The following SLC7A2 variants were observed in gnomAD, a reference collection of about 807,000 sequenced individuals.
SLC7A2 encodes the protein cationic amino acid transporter 2.
A neutral mutation model predicts 58.9 loss-of-function variants in SLC7A2; 48 were observed. The ratio of observed to expected loss-of-function variants is 0.82; its 90% CI spans 0.65 to 1.04. The LOEUF (loss-of-function observed/expected upper bound fraction) is 1.04. Among genes scored for constraint, SLC7A2 ranks in the 50% least tolerant of loss-of-function variants. The probability of loss-of-function intolerance (pLI) is 0.00; values close to 1 mark genes in which losing one functional copy is unlikely to be tolerated. For missense variants in SLC7A2, 1,029 were observed against 818.8 expected, an observed-to-expected ratio of 1.26 and a Z score of -3.13; for synonymous variants, 363 against 314.5, an observed-to-expected ratio of 1.15 and a Z score of -1.63.
At chr8:17,563,544 A>G in intron 11 of SLC7A2, 59 bp from the exon 12 acceptor site, 2 of 1,035,116 alleles carry the variant, frequency 1.9e-6, no homozygotes, top group Non-Finnish European at 3.0e-6. Context: ...CTGTTGAAAT[A>G]ACTTGGGGAA....
intron 2 of SLC7A2, among the ~76,000 whole-genome samples, chr8:17,521,362 G>A (rs961422570): frequency 1.1e-4 from 17 of 152,348 alleles, no homozygotes; most frequent in African/African-American, 3.8e-4. Flanking sequence ...AGGACAGAGT[G>A]TAGGATTGTA....
In SLC7A2 at chr8:17,561,998, C is replaced by A; in HGVS notation, c.1559C>A (p.Thr520Asn). 1 of 1,614,112 alleles carries A rather than the reference C, an allele frequency of 6.2e-7. No individual in the cohort carries two copies. Among genetic ancestry groups the A allele is most frequent in the Non-Finnish European group, 8.5e-7 (1 of 1,180,004 alleles). ...ACCACTTACGGAGTTCATGCCATCACCAGGCTGGAGGCCTGGAGCCTCGCT... is the reference window on the plus strand; with the variant it reads ...ACCACTTACGGAGTTCATGCCATCAACAGGCTGGAGGCCTGGAGCCTCGCT... ...VLTTYGVHAI[T>N]RLEAWSLALL... Residue 520 changes from threonine to asparagine, a missense_variant, in exon 11 of 13, where the codon ACC (threonine) becomes AAC (asparagine). By Grantham distance (65) the Thr-to-Asn change is moderately conservative. Transcript: ENST00000494857.
At chr8:17,524,419 TGTAC>T (rs200387253) in intron 2 of SLC7A2, among the ~76,000 whole-genome samples, 4,459 of 138,862 alleles carry the variant, frequency 0.032, 110 homozygotes, top group East Asian at 0.11. Flanking sequence ...TGTGTGTGTG[TGTAC>T]ACACACACAC....
intron 10 of SLC7A2, among the ~76,000 whole-genome samples, chr8:17,561,158 A>T (rs1469132613): frequency 6.6e-6 from 1 of 152,178 alleles, no homozygotes; most frequent in Non-Finnish European, 1.5e-5. Flanking sequence ...AGGAGAAAAG[A>T]TGCAGATGAT....
intron 7 of SLC7A2, among the ~76,000 whole-genome samples, chr8:17,554,029 T>C (rs1802573852): frequency 6.6e-6 from 1 of 152,170 alleles, no homozygotes. Flanking sequence ...CTTATGATGC[T>C]GGGGATTATT....
chr8:17,543,228 A>G (rs1166016278), intron 2 of SLC7A2, 90 bp from the exon 3 acceptor site: 1 of 1,185,690 alleles, frequency 8.4e-7, no homozygotes, highest in African/African-American at 1.5e-5. Flanking sequence ...ACACACACAC[A>G]CACATACTCT....
In SLC7A2 at chr8:17,568,045, C is replaced by T. The variant is rs1238468740; in HGVS notation, c.*2899C>T. 6.6e-6 allele frequency: 1 copy of T among 151,758 alleles called. No individual in the cohort carries two copies. Among genetic ancestry groups the T allele is most frequent in the Non-Finnish European group, 1.5e-5 (1 of 67,956 alleles). The allele number at this position is 151,758 out of a possible 1,614,324, so 9.4% of individuals were successfully genotyped here. A position where few individuals can be genotyped will look rare whatever the true frequency, so the allele number is the denominator to read the frequency against. On this transcript the variant is annotated 3_prime_UTR_variant, in exon 13 of 13. Transcript: ENST00000494857. ...ATTTTTTTTTTCTTTCTCAGAATTA[C>T]CTAAATGTTTTGTAGAGTTTTGACT...
intron 2 of SLC7A2, among the ~76,000 whole-genome samples, chr8:17,518,937 A>G (rs1456411069): frequency 2.0e-5 from 3 of 152,110 alleles, no homozygotes; most frequent in African/African-American, 7.2e-5. Flanking sequence ...TGGCCTGCAG[A>G]CGGCAGCCTT....
chr8:17,561,937 C>G lies in SLC7A2; in HGVS notation c.1505-7C>G, dbSNP rs375807357. The G allele has an allele frequency of 6.2e-7, 1 of 1,613,894 alleles. No individual in the cohort carries two copies. The highest frequency in any genetic ancestry group is 2.2e-5 in the East Asian group (1 of 44,868). Reference sequence around the variant, plus strand: ...GCTGACTCTGTTATCTACACATCCCCCTGCAGCTTTCCTCGTGTTGGGCCT... The same window carrying G: ...GCTGACTCTGTTATCTACACATCCCGCTGCAGCTTTCCTCGTGTTGGGCCT... On this transcript the variant is annotated splice_polypyrimidine_tract_variant and splice_region_variant and intron_variant, in intron 10 of 12. Transcript: ENST00000494857.
chr8:17,535,203 C>T (rs1192892145), intron 2 of SLC7A2, among the ~76,000 whole-genome samples: 1 of 152,134 alleles, frequency 6.6e-6, no homozygotes, highest in Non-Finnish European at 1.5e-5. Context: ...CTGGCTTCCC[C>T]ATCCCTAAGC....
At chr8:17,541,556 A>G (rs368725273) in intron 2 of SLC7A2, among the ~76,000 whole-genome samples, 1 of 152,112 alleles carries the variant, frequency 6.6e-6, no homozygotes, top group Non-Finnish European at 1.5e-5. Flanking sequence ...GCTTTTCTTC[A>G]TATTCTTTGA....
chr8:17,524,564 C>T (rs1801150349), intron 2 of SLC7A2, among the ~76,000 whole-genome samples: 1 of 151,878 alleles, frequency 6.6e-6, no homozygotes, highest in African/African-American at 2.4e-5. Context: ...GGAATGGAAA[C>T]CCAAACATTG....
chr8:17,525,409 C>T (rs557348844), intron 2 of SLC7A2, among the ~76,000 whole-genome samples: 4 of 152,174 alleles, frequency 2.6e-5, no homozygotes, highest in South Asian at 4.2e-4. Flanking sequence ...AAGAAAGTGG[C>T]CAAAAATCAC....
At chr8:17,500,976 A>G (rs1800135129) in intron 1 of SLC7A2, among the ~76,000 whole-genome samples, 1 of 151,836 alleles carries the variant, frequency 6.6e-6, no homozygotes. Flanking sequence ...TATGGAAGCA[A>G]GCAGTATGCT....
chr8:17,534,087 C>G (rs995301665), intron 2 of SLC7A2, among the ~76,000 whole-genome samples: 1 of 152,184 alleles, frequency 6.6e-6, no homozygotes, highest in South Asian at 2.1e-4. Flanking sequence ...CTGCAAAGGA[C>G]ATGATCTTGT....
intron 4 of SLC7A2, among the ~76,000 whole-genome samples, chr8:17,548,290 G>A (rs892286449): frequency 7.2e-5 from 11 of 151,994 alleles, no homozygotes; most frequent in African/African-American, 2.2e-4. Flanking sequence ...GCAGTGAGCC[G>A]AGATCATACC....
chr8:17,530,772 A>G (rs1198899244), intron 2 of SLC7A2, among the ~76,000 whole-genome samples: 1 of 151,940 alleles, frequency 6.6e-6, no homozygotes, highest in African/African-American at 2.4e-5. Context: ...GGGTTTCGCC[A>G]TGTTGGTCAG....
intron 2 of SLC7A2, among the ~76,000 whole-genome samples, chr8:17,511,527 A>C (rs1037374427): frequency 1.3e-5 from 2 of 152,196 alleles, no homozygotes; most frequent in African/African-American, 4.8e-5. Flanking sequence ...GGTTTTTGAC[A>C]TCCTGTTATT....
intron 2 of SLC7A2, among the ~76,000 whole-genome samples, chr8:17,504,578 C>T (rs1800291238): frequency 6.6e-6 from 1 of 152,144 alleles, no homozygotes; most frequent in African/African-American, 2.4e-5. Context: ...ATATGCATTC[C>T]TTAGAGAACC....
Sources: gnomAD v4.1 joint callset for allele counts (sites outside exome capture counted in the v4.1 genomes callset) on GRCh38, gnomAD v4.1.1 for gene constraint, MANE v1.5 for transcripts, NCBI Gene and HGNC (gene_info 2026-07-23, HGNC 2026-07-21) for gene names.